GABRR2: variants seen among roughly 807,000 people sequenced by gnomAD.
GABRR2 encodes gamma-aminobutyric acid receptor subunit rho-2.
A neutral mutation model predicts 47.0 loss-of-function variants in GABRR2; 36 were observed. The observed-to-expected ratio is 0.77, with a 90% CI of 0.59 to 1.01. GABRR2 has a LOEUF of 1.01. GABRR2 is among the 50% of genes least tolerant of loss of function. The pLI, the probability that GABRR2 is intolerant of heterozygous loss-of-function variation, is 0.00. For synonymous variants in GABRR2, 204 were observed against 227.5 expected (o/e 0.90, Z 0.93); for missense variants, 587 against 594.6 (o/e 0.99, Z 0.13).
At chr6:89,283,140 GT>G (rs1774278341) in intron 2 of GABRR2, among the ~76,000 whole-genome samples, 1 of 151,080 alleles carries the variant, frequency 6.6e-6, no homozygotes, top group South Asian at 2.1e-4. Context: ...CCAGGATTTC[GT>G]CTTCTGTGAA....
In GABRR2 at chr6:89,268,011, T is replaced by TA; in HGVS notation, c.595+2dup. On this transcript the variant is annotated splice_region_variant and intron_variant, in intron 5 of 8. Transcript: ENST00000402938. ...TGAAGGAATTAGGAATGCTGATACTTACAGCTCTCCAGCTCCAAAGAACAG... is the reference window on the plus strand; with the variant it reads ...TGAAGGAATTAGGAATGCTGATACTTAACAGCTCTCCAGCTCCAAAGAACAG... 6.2e-7 allele frequency: 1 copy of TA among 1,610,074 alleles called. No homozygotes were observed. The highest frequency in any genetic ancestry group is 8.5e-7 in the Non-Finnish European group (1 of 1,177,452).
intron 8 of GABRR2, among the ~76,000 whole-genome samples, chr6:89,263,841 A>G (rs1773812005): frequency 1.3e-5 from 2 of 152,154 alleles, no homozygotes; most frequent in Non-Finnish European, 2.9e-5. Flanking sequence ...AGTATTTCCA[A>G]TTTCCTTCTG....
chr6:89,268,943 G>A (rs1024918819), intron 4 of GABRR2, 68 bp downstream of exon 4: 1 of 1,422,218 alleles, frequency 7.0e-7, no homozygotes, highest in East Asian at 2.3e-5. Flanking sequence ...AGTCTTCAGG[G>A]CCAAAGGGCC....
chr6:89,295,754 G>A (rs1370847137), intron 2 of GABRR2, among the ~76,000 whole-genome samples: 1 of 151,766 alleles, frequency 6.6e-6, no homozygotes, highest in African/African-American at 2.4e-5. Flanking sequence ...GGTTTTTATG[G>A]TTTTAGGTCT....
intron 2 of GABRR2, among the ~76,000 whole-genome samples, chr6:89,281,034 T>C (rs1224680998): frequency 6.6e-6 from 1 of 152,220 alleles, no homozygotes; most frequent in Non-Finnish European, 1.5e-5. Context: ...ATTTTAAGGG[T>C]CACGATATTT....
intron 8 of GABRR2, among the ~76,000 whole-genome samples, chr6:89,260,314 T>G (rs989457069): frequency 3.9e-5 from 6 of 152,206 alleles, no homozygotes; most frequent in Admixed American, 3.9e-4. Flanking sequence ...CTTCTTCTCC[T>G]TGCTCTAAAC....
chr6:89,302,452 C>T (rs1222812320), intron 1 of GABRR2: 3 of 597,640 alleles, frequency 5.0e-6, no homozygotes, highest in East Asian at 4.4e-5. Context: ...GGACCTCAGC[C>T]ACCTGACATT....
At chr6:89,265,851 T>C (rs959990235) in intron 6 of GABRR2, 86 bp from the exon 7 acceptor site, 1 of 1,352,594 alleles carries the variant, frequency 7.4e-7, no homozygotes, top group South Asian at 1.3e-5. Flanking sequence ...TTCACTGACT[T>C]GGCTCTCCTC....
intron 1 of GABRR2, among the ~76,000 whole-genome samples, chr6:89,310,637 C>G (rs1234690245): frequency 1.3e-5 from 2 of 151,962 alleles, no homozygotes; most frequent in African/African-American, 4.8e-5. Context: ...AATTGAGTAT[C>G]CTATAGGCAT....
At chr6:89,305,893 CCT>C (rs1562391462) in intron 1 of GABRR2, among the ~76,000 whole-genome samples, 1 of 151,942 alleles carries the variant, frequency 6.6e-6, no homozygotes, top group African/African-American at 2.4e-5. Context: ...ACAACAAACC[CCT>C]GTGACACAAG....
In GABRR2 at chr6:89,269,093, T is replaced by C; in HGVS notation, c.430A>G (p.Lys144Glu). 6.2e-7 allele frequency: 1 copy of C among 1,614,022 alleles called. No homozygotes were observed. The highest frequency in any genetic ancestry group is 8.5e-7 in the Non-Finnish European group (1 of 1,179,898). Residue 144 changes from lysine (K) to glutamate (E), a missense_variant, in exon 4 of 9, where the codon AAA becomes GAA. Transcript: ENST00000402938. Reference sequence around the variant, plus strand: ...GTGGTGTCATGAGTGAACGATCTTTTGGAGTGAACAAAGAAGACATCAGGG... The same window carrying C: ...GTGGTGTCATGAGTGAACGATCTTTCGGAGTGAACAAAGAAGACATCAGGG... ...WVPDVFFVHS[K>E]RSFTHDTTTD...
chr6:89,277,715 G>A (rs529391695), intron 2 of GABRR2, among the ~76,000 whole-genome samples: 9 of 151,892 alleles, frequency 5.9e-5, no homozygotes, highest in African/African-American at 2.2e-4. Flanking sequence ...CTGGAAAGGT[G>A]CTCAACCTCA....
chr6:89,302,224 G>A (rs937414439), intron 1 of GABRR2: 3 of 568,930 alleles, frequency 5.3e-6, no homozygotes, highest in South Asian at 1.4e-5. Context: ...GTATGGGCAC[G>A]CTGCTCATCA....
intron 2 of GABRR2, among the ~76,000 whole-genome samples, chr6:89,287,234 C>T (rs1211280015): frequency 1.3e-5 from 2 of 152,134 alleles, no homozygotes; most frequent in African/African-American, 2.4e-5. Context: ...CAAGGGGGCA[C>T]GAGGGTCTCT....
intron 2 of GABRR2, among the ~76,000 whole-genome samples, chr6:89,287,801 T>C (rs1035611932): frequency 6.6e-6 from 1 of 152,234 alleles, no homozygotes; most frequent in Admixed American, 6.5e-5. Context: ...AGAACATTCT[T>C]AATAAATAAA....
In GABRR2 at chr6:89,258,506, G is replaced by C. The variant is rs183597597; in HGVS notation, c.1087-525C>G. Among the ~76,000 whole-genome samples, 43 of 140,904 alleles carry C rather than the reference G, an allele frequency of 3.1e-4. No homozygotes were observed. In the Middle Eastern group the frequency reaches 0.013, roughly 41 times the overall value. 92.4% of individuals were successfully genotyped at this position (140,904 alleles called of 152,430 possible). On this transcript the variant is annotated intron_variant, in intron 8 of 8. Coordinates refer to ENST00000402938, the MANE Select transcript of GABRR2 (RefSeq NM_002043.5). The stretch of plus-strand genomic sequence containing the variant: ...GGATCGCTTGAGGCCAGTATTTCAA[G>C]ACCAGCCTGGGCAACATAGTGAGAC...
At position 89,270,387 on chromosome 6, in the gene GABRR2, C is replaced by T. The variant is rs1393278384; in HGVS notation, c.289-1153G>A. ...TGTGAGAGGCAGGTCATTCTAGATACCTCTCCCTGTGATCCTGAGCCACAC... is the reference window on the plus strand; with the variant it reads ...TGTGAGAGGCAGGTCATTCTAGATATCTCTCCCTGTGATCCTGAGCCACAC... On this transcript the variant is annotated intron_variant, in intron 3 of 8. Coordinates refer to ENST00000402938, the MANE Select transcript of GABRR2 (RefSeq NM_002043.5). 4 of 152,224 alleles carry T rather than the reference C, an allele frequency of 2.6e-5. No homozygotes were observed. The East Asian group carries it at 7.7e-4, about 29-fold the overall frequency. The allele number at this position is 152,224 out of a possible 1,614,324, so 9.4% of individuals were successfully genotyped here. A position where few individuals can be genotyped will look rare whatever the true frequency, so the allele number is the denominator to read the frequency against.
intron 4 of GABRR2, among the ~76,000 whole-genome samples, chr6:89,268,737 T>C (rs934611538): frequency 1.1e-4 from 16 of 151,906 alleles, no homozygotes; most frequent in African/African-American, 3.6e-4. Context: ...AATCACATGC[T>C]CTCAGGGAAC....
chr6:89,291,480 G>T (rs111869450), intron 2 of GABRR2, among the ~76,000 whole-genome samples: 8 of 151,836 alleles, frequency 5.3e-5, no homozygotes, highest in African/African-American at 1.7e-4. Context: ...GTCTACACAC[G>T]CACACACTAG....
Sources: allele counts gnomAD v4.1 joint callset (sites outside exome capture counted in the v4.1 genomes callset), GRCh38; gene constraint gnomAD v4.1.1; transcripts MANE v1.5; gene names NCBI Gene and HGNC (gene_info 2026-07-23, HGNC 2026-07-21).